Variants in NTM observed in about 807,000 individuals in gnomAD.
NTM encodes IgLON family member 2.
Under a neutral mutation model 42.1 loss-of-function variants are expected in NTM, and 13 were observed. The ratio of observed to expected loss-of-function variants is 0.31; its 90% confidence interval spans 0.20 to 0.49. The LOEUF (loss-of-function observed/expected upper bound fraction) is 0.49, where lower values mean the gene tolerates loss of function less well. Among genes scored for constraint, NTM ranks in the 20% least tolerant of loss-of-function variants. The pLI is 0.99. For missense variants in NTM, 373 were observed against 452.8 expected, an observed-to-expected ratio of 0.82 and a Z score of 1.60; for synonymous variants, 187 against 179.2, an observed-to-expected ratio of 1.04 and a Z score of -0.35.
chr11:131,746,803 C>G (rs1298618941), intron 1 of NTM, among the ~76,000 whole-genome samples: 9 of 151,892 alleles, frequency 5.9e-5, no homozygotes, highest in Admixed American at 5.9e-4. Context: ...GTCTAGTGTA[C>G]CCTCCGAAAA....
chr11:131,680,963 GTGTC>G lies in NTM; in HGVS notation c.83-230597_83-230594del, dbSNP rs1290734454. Among the ~76,000 whole-genome samples, 2 of 35,026 alleles carry G rather than the reference GTGTC, an allele frequency of 5.7e-5. 1 individual carries two copies. Among genetic ancestry groups the G allele is most frequent in the Non-Finnish European group, 1.2e-4 (2 of 16,128 alleles). The allele number at this position is 35,026 out of a possible 152,430, so 23.0% of individuals were successfully genotyped here. A position where few individuals can be genotyped will look rare whatever the true frequency, so the allele number is the denominator to read the frequency against. ...TGTGTGTGTGAGCGTGTGTGTTTCT[GTGTC>G]TGTATGTCTCCCTGTGTGTGTGAGC... On this transcript the variant is annotated intron_variant, in intron 1 of 8. Transcript: ENST00000683400.
chr11:131,606,002 C>CAGTG, intron 1 of NTM: 1 of 518,722 alleles, frequency 1.9e-6, no homozygotes, highest in Non-Finnish European at 2.5e-6. Context: ...CTCCCAAGGA[C>CAGTG]AGTGAGGGAC....
At chr11:132,175,605 T>TC (rs1485022086) in intron 3 of NTM, among the ~76,000 whole-genome samples, 5 of 150,212 alleles carry the variant, frequency 3.3e-5, no homozygotes, top group South Asian at 2.1e-4. Flanking sequence ...CTTTTTTTTT[T>TC]CAGACAGAGT....
At chr11:131,753,303 C>T (rs1199629588) in intron 1 of NTM, among the ~76,000 whole-genome samples, 131 of 151,938 alleles carry the variant, frequency 8.6e-4, no homozygotes, top group African/African-American at 3.0e-3. Context: ...GGACTGTAAA[C>T]TAGTTCAACC....
intron 1 of NTM, among the ~76,000 whole-genome samples, chr11:131,560,404 A>G (rs2056079100): frequency 6.6e-6 from 1 of 152,228 alleles, no homozygotes; most frequent in Non-Finnish European, 1.5e-5. Context: ...ATGTTCCAAC[A>G]TGCCATCAAT....
At chr11:131,398,135 A>G (rs183188342) in intron 1 of NTM, among the ~76,000 whole-genome samples, 67 of 152,280 alleles carry the variant, frequency 4.4e-4, no homozygotes, top group African/African-American at 1.6e-3. Context: ...CCAAGTTAAT[A>G]ACGATAAGAC....
At position 131,596,719 on chromosome 11, in the gene NTM, C is replaced by T. The variant is rs1007317857; in HGVS notation, c.82+225831C>T. 2.0e-5 allele frequency among the ~76,000 whole-genome samples: 3 copies of T among 152,368 alleles called. No homozygotes were observed. The East Asian group carries it at 5.8e-4, about 29-fold the overall frequency. On this transcript the variant is annotated intron_variant, in intron 1 of 8. Coordinates refer to ENST00000683400, the MANE Select transcript of NTM (RefSeq NM_001352005.2). ...GTCTGGAGCCCTGTACTCCAACAGA[C>T]ATCCCTGGGGCTGGAACTCAGACTG... is the stretch of plus-strand genomic sequence containing the variant.
chr11:131,915,483 A>G (rs1336480546), intron 2 of NTM, among the ~76,000 whole-genome samples: 1 of 152,180 alleles, frequency 6.6e-6, no homozygotes, highest in East Asian at 1.9e-4. Flanking sequence ...AAGCCAAACA[A>G]CGATATCCCC....
intron 3 of NTM, among the ~76,000 whole-genome samples, chr11:132,199,425 G>A (rs74718445): frequency 6.6e-6 from 1 of 152,188 alleles, no homozygotes; most frequent in African/African-American, 2.4e-5. Context: ...CAGGCTCTTT[G>A]ATGTGCAGAG....
At chr11:132,183,648 G>A (rs1251252377) in intron 3 of NTM, among the ~76,000 whole-genome samples, 2 of 151,990 alleles carry the variant, frequency 1.3e-5, no homozygotes, top group Non-Finnish European at 2.9e-5. Flanking sequence ...TTCTTTGAAA[G>A]CACCAGACAA....
chr11:131,564,854 C>T (rs2056686254), intron 1 of NTM, among the ~76,000 whole-genome samples: 1 of 149,602 alleles, frequency 6.7e-6, no homozygotes, highest in Admixed American at 6.6e-5. Flanking sequence ...CACATGCACA[C>T]ACATACACAC....
At chr11:131,413,919 C>G (rs955264048) in intron 1 of NTM, among the ~76,000 whole-genome samples, 1 of 152,098 alleles carries the variant, frequency 6.6e-6, no homozygotes, top group Non-Finnish European at 1.5e-5. Flanking sequence ...ACAAGGCCTC[C>G]TGTGGCGAAA....
At chr11:131,469,416 C>T (rs1952209477) in intron 1 of NTM, among the ~76,000 whole-genome samples, 1 of 152,152 alleles carries the variant, frequency 6.6e-6, no homozygotes, top group Non-Finnish European at 1.5e-5. Flanking sequence ...AATGAGAAAA[C>T]CACATTCCAG....
chr11:131,910,593 G>A (rs1437154664), intron 1 of NTM, among the ~76,000 whole-genome samples: 4 of 150,970 alleles, frequency 2.6e-5, no homozygotes, highest in Non-Finnish European at 5.9e-5. Flanking sequence ...GACAACCCCG[G>A]CGGTCGGGGC....
At chr11:131,569,276 C>T (rs1281617167) in intron 1 of NTM, among the ~76,000 whole-genome samples, 1 of 151,978 alleles carries the variant, frequency 6.6e-6, no homozygotes, top group South Asian at 2.1e-4. Flanking sequence ...TCCTGAGTAG[C>T]TGAGATTACA....
chr11:131,988,951 A>C (rs1395519613), intron 2 of NTM, among the ~76,000 whole-genome samples: 1 of 152,226 alleles, frequency 6.6e-6, no homozygotes, highest in East Asian at 1.9e-4. Context: ...AATATATAAA[A>C]ACTGAATAAA....
At chr11:131,762,226 T>C (rs1385868203) in intron 1 of NTM, among the ~76,000 whole-genome samples, 1 of 152,218 alleles carries the variant, frequency 6.6e-6, no homozygotes, top group Non-Finnish European at 1.5e-5. Context: ...TTGCCTAGGT[T>C]CCCATGTGGC....
At chr11:132,287,126 C>T (rs2094274088) in intron 4 of NTM, among the ~76,000 whole-genome samples, 1 of 152,214 alleles carries the variant, frequency 6.6e-6, no homozygotes, top group African/African-American at 2.4e-5. Flanking sequence ...GCTCATCCAT[C>T]ATCCTCCCTT....
At chr11:131,382,315 G>C (rs1394072328) in intron 1 of NTM, among the ~76,000 whole-genome samples, 1 of 152,136 alleles carries the variant, frequency 6.6e-6, no homozygotes, top group Non-Finnish European at 1.5e-5. Flanking sequence ...CACATATCAA[G>C]AATGACAGAG....
Sources: gnomAD v4.1 joint callset for allele counts (sites outside exome capture counted in the v4.1 genomes callset) on GRCh38, gnomAD v4.1.1 for gene constraint, MANE v1.5 for transcripts, NCBI Gene and HGNC (gene_info 2026-07-23, HGNC 2026-07-21) for gene names.